The following CMSS1 variants were observed in gnomAD, a reference collection of about 807,000 sequenced individuals.
CMSS1 encodes the protein cms1 ribosomal small subunit homolog, also known as protein CMSS1.
Under a neutral mutation model 43.5 loss-of-function variants are expected in CMSS1, and 33 were observed. The ratio of observed to expected loss-of-function variants is 0.76; its 90% CI spans 0.57 to 1.01. The LOEUF (loss-of-function observed/expected upper bound fraction) is 1.01, where lower values mean the gene tolerates loss of function less well. Among genes scored for constraint, CMSS1 ranks in the 50% least tolerant of loss-of-function variants. CMSS1 has a pLI of 0.00. For synonymous variants in CMSS1, 115 were observed against 117.2 expected (o/e 0.98, Z 0.12); for missense variants, 313 against 326.4 (o/e 0.96, Z 0.32).
intron 1 of CMSS1, among the ~76,000 whole-genome samples, chr3:99,883,824 G>T (rs1705808900): frequency 6.6e-6 from 1 of 152,154 alleles, no homozygotes; most frequent in Non-Finnish European, 1.5e-5. Context: ...ATAACCCTAT[G>T]GGATAGATAA....
chr3:100,173,288 A>C (rs2067124943), intron 8 of CMSS1, among the ~76,000 whole-genome samples: 1 of 152,220 alleles, frequency 6.6e-6, no homozygotes, highest in African/African-American at 2.4e-5. Context: ...GAAGGGAAAC[A>C]ACACTTTCGA....
intron 1 of CMSS1, among the ~76,000 whole-genome samples, chr3:100,101,820 T>C (rs1308281680): frequency 2.6e-5 from 4 of 152,074 alleles, no homozygotes; most frequent in Admixed American, 2.0e-4. Flanking sequence ...CCTTCCTGTG[T>C]CCATGTGTTC....
At chr3:100,126,008 T>G (rs1204772625) in intron 1 of CMSS1, among the ~76,000 whole-genome samples, 1 of 152,148 alleles carries the variant, frequency 6.6e-6, no homozygotes, top group East Asian at 1.9e-4. Context: ...TAAAAAAAAT[T>G]TACAAAATAA....
intron 1 of CMSS1, among the ~76,000 whole-genome samples, chr3:100,096,306 C>T (rs2066207215): frequency 6.6e-6 from 1 of 152,186 alleles, no homozygotes; most frequent in South Asian, 2.1e-4. Flanking sequence ...GAGAGATCTA[C>T]ACTCCCATGT....
intron 1 of CMSS1, chr3:99,930,865 C>T (rs924249085): frequency 5.6e-6 from 9 of 1,612,968 alleles, no homozygotes; most frequent in Non-Finnish European, 7.6e-6. Flanking sequence ...GCTTCTCTGC[C>T]TTGGGACACG....
At chr3:99,988,306 G>T (rs1475889313) in intron 1 of CMSS1, among the ~76,000 whole-genome samples, 3 of 140,120 alleles carry the variant, frequency 2.1e-5, no homozygotes, top group Admixed American at 7.5e-5. Context: ...GACCATCCTG[G>T]TTAGCATGAC....
chr3:99,931,973 G>A (rs1409561262), intron 1 of CMSS1, among the ~76,000 whole-genome samples: 3 of 151,994 alleles, frequency 2.0e-5, no homozygotes, highest in African/African-American at 7.3e-5. Flanking sequence ...TTTCATCATC[G>A]CCAGTACCTT....
chr3:100,123,980 G>T (rs946403639), intron 1 of CMSS1, among the ~76,000 whole-genome samples: 1 of 152,174 alleles, frequency 6.6e-6, no homozygotes, highest in African/African-American at 2.4e-5. Flanking sequence ...ATTAGAGATA[G>T]CACTGGGGTC....
chr3:99,996,376 G>C (rs1294495695), intron 1 of CMSS1, among the ~76,000 whole-genome samples: 2 of 152,104 alleles, frequency 1.3e-5, no homozygotes, highest in Admixed American at 6.5e-5. Flanking sequence ...GCCAGGCCTT[G>C]GTCAAAGCCA....
chr3:99,835,716 C>G (rs1475660066), intron 1 of CMSS1, among the ~76,000 whole-genome samples: 1 of 152,142 alleles, frequency 6.6e-6, no homozygotes, highest in East Asian at 1.9e-4. Flanking sequence ...ATAGCTGATT[C>G]TTGCTTTTGA....
rs116317898 is a variant in CMSS1 at position 99,995,716 on chromosome 3, G to T, written c.65-151257G>T. Among the ~76,000 whole-genome samples the T allele has an allele frequency of 2.5e-3, 388 of 152,332 alleles. 2 individuals carry two copies. The highest frequency in any genetic ancestry group is 8.8e-3 in the African/African-American group (368 of 41,582). On this transcript the variant is annotated intron_variant, in intron 1 of 9. Coordinates refer to ENST00000421999, the MANE Select transcript of CMSS1 (RefSeq NM_032359.4). The stretch of plus-strand genomic sequence containing the variant: ...CCAAACCCCAATCCTTGACTTCTGT[G>T]CACTCACAGGTTCAACACCACGTGG...
intron 1 of CMSS1, among the ~76,000 whole-genome samples, chr3:100,009,471 G>C (rs1710081000): frequency 6.6e-6 from 1 of 152,126 alleles, no homozygotes; most frequent in Admixed American, 6.5e-5. Context: ...GTGACTGTGG[G>C]TCAGAGCTAA....
intron 1 of CMSS1, among the ~76,000 whole-genome samples, chr3:99,959,331 G>A (rs1288220787): frequency 1.3e-4 from 20 of 152,256 alleles, no homozygotes; most frequent in Admixed American, 1.3e-3. Flanking sequence ...TGTATTTTTA[G>A]CAGAGGCGGG....
intron 1 of CMSS1, among the ~76,000 whole-genome samples, chr3:99,873,084 A>G (rs961325877): frequency 6.6e-6 from 1 of 152,188 alleles, no homozygotes; most frequent in African/African-American, 2.4e-5. Flanking sequence ...ATTGCAGCAC[A>G]CTTTAAGCAT....
At position 99,970,253 on chromosome 3, in the gene CMSS1, G is replaced by A. The variant is rs957596750; in HGVS notation, c.64+152210G>A. 2.2e-4 allele frequency among the ~76,000 whole-genome samples: 33 copies of A among 152,202 alleles called. 1 individual carries two copies. The highest frequency in any genetic ancestry group is 7.2e-4 in the African/African-American group (30 of 41,452). The stretch of plus-strand genomic sequence containing the variant: ...CCAAAGTCATCTGATAAGTTTTGGA[G>A]CTCAGTTTCAGACCCAGGCAGTCTG... On this transcript the variant is annotated intron_variant, in intron 1 of 9. Transcript: ENST00000421999.
intron 1 of CMSS1, among the ~76,000 whole-genome samples, chr3:100,012,123 A>T (rs1225696505): frequency 6.6e-6 from 1 of 152,238 alleles, no homozygotes; most frequent in African/African-American, 2.4e-5. Context: ...CAACCTAAAA[A>T]ATGCAAAATG....
chr3:99,977,165 A>G (rs191408354), intron 1 of CMSS1, among the ~76,000 whole-genome samples: 43 of 152,336 alleles, frequency 2.8e-4, no homozygotes, highest in Admixed American at 7.2e-4. Flanking sequence ...TACTGTACAC[A>G]GTTCCCTTGT....
At chr3:100,152,145 C>G (rs1433120385) in intron 2 of CMSS1, among the ~76,000 whole-genome samples, 1 of 151,886 alleles carries the variant, frequency 6.6e-6, no homozygotes, top group African/African-American at 2.4e-5. Context: ...AAGAGTAATT[C>G]TCCATGGTTC....
chr3:99,918,299 T>A (rs1312134259), intron 1 of CMSS1, among the ~76,000 whole-genome samples: 1 of 152,134 alleles, frequency 6.6e-6, no homozygotes. Context: ...ACCAGAAAAC[T>A]AAAGATTTGA....
Sources: gnomAD v4.1 joint callset for allele counts (sites outside exome capture counted in the v4.1 genomes callset) on GRCh38, gnomAD v4.1.1 for gene constraint, MANE v1.5 for transcripts, NCBI Gene and HGNC (gene_info 2026-07-23, HGNC 2026-07-21) for gene names.